Variants in TRPC7 observed in about 807,000 individuals in gnomAD.
The protein encoded by TRPC7 is short transient receptor potential channel 7.
In TRPC7, 42 loss-of-function variants were observed where a neutral mutation model predicts 90.1. The ratio of observed to expected loss-of-function variants is 0.47; its 90% confidence interval spans 0.36 to 0.60. TRPC7 has a LOEUF of 0.60. Among genes scored for constraint, TRPC7 ranks in the 20% least tolerant of loss-of-function variants. The pLI, the probability that TRPC7 is intolerant of heterozygous loss-of-function variation, is 0.00. For synonymous variants in TRPC7, 451 were observed against 436.3 expected (o/e 1.03, Z -0.42); for missense variants, 955 against 1,112.3 (o/e 0.86, Z 2.01).
chr5:136,268,740 G>A (rs991090582), intron 4 of TRPC7, among the ~76,000 whole-genome samples: 1 of 152,212 alleles, frequency 6.6e-6, no homozygotes, highest in Non-Finnish European at 1.5e-5. Flanking sequence ...GCCTTTTGGT[G>A]ATTTGATGGA....
intron 8 of TRPC7, among the ~76,000 whole-genome samples, chr5:136,229,257 C>A (rs1755739742): frequency 6.6e-6 from 1 of 152,234 alleles, no homozygotes; most frequent in African/African-American, 2.4e-5. Context: ...GGCTTCATGG[C>A]CAGGCTCACC....
At chr5:136,241,420 G>A (rs1050089414) in intron 7 of TRPC7, among the ~76,000 whole-genome samples, 1 of 152,234 alleles carries the variant, frequency 6.6e-6, no homozygotes, top group Non-Finnish European at 1.5e-5. Flanking sequence ...GGGAGACAGG[G>A]GCCCACCATG....
chr5:136,304,724 C>T (rs573056861), intron 3 of TRPC7, among the ~76,000 whole-genome samples: 66 of 152,172 alleles, frequency 4.3e-4, no homozygotes, highest in Non-Finnish European at 7.1e-4. Context: ...AAATTTCATC[C>T]TCATCTGTTA....
chr5:136,293,383 T>A (rs1345661894), intron 3 of TRPC7, among the ~76,000 whole-genome samples: 3 of 152,120 alleles, frequency 2.0e-5, no homozygotes, highest in African/African-American at 4.8e-5. Context: ...TTGTATATCT[T>A]GAAAACCCCA....
intron 2 of TRPC7, among the ~76,000 whole-genome samples, chr5:136,317,676 T>G (rs1759063686): frequency 6.6e-6 from 1 of 152,202 alleles, no homozygotes; most frequent in African/African-American, 2.4e-5. Context: ...ACAAGGAATC[T>G]CTGGATGTTA....
chr5:136,268,360 T>C (rs1415760635), intron 4 of TRPC7, among the ~76,000 whole-genome samples: 4 of 152,172 alleles, frequency 2.6e-5, no homozygotes, highest in African/African-American at 9.7e-5. Context: ...GGGCAAGGGA[T>C]ACCAGGTCTT....
chr5:136,227,466 C>G (rs1755664897), intron 8 of TRPC7, among the ~76,000 whole-genome samples: 1 of 152,156 alleles, frequency 6.6e-6, no homozygotes, highest in African/African-American at 2.4e-5. Flanking sequence ...GGCTGTGAAC[C>G]CAGCAAGGGC....
At chr5:136,317,109 C>A (rs1438458393) in intron 2 of TRPC7, among the ~76,000 whole-genome samples, 1 of 152,116 alleles carries the variant, frequency 6.6e-6, no homozygotes, top group Non-Finnish European at 1.5e-5. Flanking sequence ...GTGAGAGTAG[C>A]TGTCCTTCAT....
At chr5:136,237,105 A>C (rs1409842378) in intron 7 of TRPC7, among the ~76,000 whole-genome samples, 1 of 152,188 alleles carries the variant, frequency 6.6e-6, no homozygotes, top group Admixed American at 6.5e-5. Context: ...CAGAGACTGA[A>C]AGCAGTTGGA....
intron 3 of TRPC7, among the ~76,000 whole-genome samples, chr5:136,300,959 C>T (rs1046425793): frequency 3.3e-5 from 5 of 152,190 alleles, no homozygotes; most frequent in Non-Finnish European, 5.9e-5. Flanking sequence ...ATTAAAGAGC[C>T]TTTAAAAAAC....
chr5:136,226,136 A>G lies in TRPC7; in HGVS notation c.2160T>C (p.Tyr720=), dbSNP rs1297443505. The G allele has an allele frequency of 1.3e-6, 2 of 1,586,436 alleles. No individual in the cohort carries two copies. Among genetic ancestry groups the G allele is most frequent in the South Asian group, 1.1e-5 (1 of 87,018 alleles). The part of the protein sequence containing the change: ...NLVPSPKSFY[Y]LIMRIKMCLI... ...GGCACATCTTGATTCTCATTATGAG[A>G]TAATAAAATGATTTAGGACTTGGCA... is the stretch of plus-strand genomic sequence containing the variant. The change falls in exon 9 of 12, where the codon TAT becomes TAC. Residue 720 remains tyrosine, a synonymous_variant. Coordinates refer to ENST00000513104, the MANE Select transcript of TRPC7 (RefSeq NM_020389.3).
At chr5:136,226,501 C>T (rs74632905) in intron 8 of TRPC7, 19,827 of 513,514 alleles carry the variant, frequency 0.039, 459 homozygotes, top group Middle Eastern at 0.051. Context: ...TCATATTAAC[C>T]GCCCCTACCC....
At chr5:136,229,852 T>G (rs1165779725) in intron 8 of TRPC7, among the ~76,000 whole-genome samples, 4 of 152,010 alleles carry the variant, frequency 2.6e-5, no homozygotes, top group Admixed American at 2.6e-4. Context: ...CCATTTCAGA[T>G]CTTCTCTCCT....
At chr5:136,256,570 T>G (rs1465885402) in intron 5 of TRPC7, among the ~76,000 whole-genome samples, 1 of 143,718 alleles carries the variant, frequency 7.0e-6, no homozygotes, top group Non-Finnish European at 1.5e-5. Context: ...CACCCCTGAC[T>G]CTTCTGGCTG....
intron 2 of TRPC7, among the ~76,000 whole-genome samples, chr5:136,324,729 T>C (rs575172614): frequency 1.9e-4 from 29 of 152,318 alleles, no homozygotes; most frequent in African/African-American, 7.0e-4. Context: ...GTTCAACTCC[T>C]CAATTTTTTC....
At chr5:136,238,423 C>G (rs10463951) in intron 7 of TRPC7, among the ~76,000 whole-genome samples, 3 of 151,882 alleles carry the variant, frequency 2.0e-5, no homozygotes, top group East Asian at 3.9e-4. Context: ...GATGATGGAA[C>G]GCTGGGAAAC....
rs1198731993 is a variant in TRPC7, at chr5:136,313,373, GTCTGTCTATCTA to G, written c.963+2212_963+2223del. Among the ~76,000 whole-genome samples, 405 of 92,988 alleles carry G rather than the reference GTCTGTCTATCTA, an allele frequency of 4.4e-3. 3 individuals carry two copies. The highest frequency in any genetic ancestry group is 0.011 in the African/African-American group (256 of 24,262). 61.0% of individuals were successfully genotyped at this position (92,988 alleles called of 152,430 possible). A position where few individuals can be genotyped will look rare whatever the true frequency, so the allele number is the denominator to read the frequency against. Reference sequence around the variant, plus strand: ...ATTCAAGCCTGAAGCCTCAGGAGATGTCTGTCTATCTATCTATCTATCTATCTATCTATCTAT... The same window carrying G: ...ATTCAAGCCTGAAGCCTCAGGAGATGTCTATCTATCTATCTATCTATCTAT... On this transcript the variant is annotated intron_variant, in intron 3 of 11. Transcript: ENST00000513104.
chr5:136,284,827 A>T (rs1056578884), intron 3 of TRPC7, among the ~76,000 whole-genome samples: 2 of 152,208 alleles, frequency 1.3e-5, no homozygotes, highest in Non-Finnish European at 2.9e-5. Flanking sequence ...GCTGAGGAGA[A>T]GGAGCTGCAA....
At chr5:136,315,947 A>C (rs1386519486) in intron 2 of TRPC7, 168 bp from the exon 3 acceptor site, 2 of 653,384 alleles carry the variant, frequency 3.1e-6, no homozygotes, top group Non-Finnish European at 5.2e-6. Flanking sequence ...AGGCGGGGCA[A>C]TTTCTCTTGA....
Sources: gnomAD v4.1 joint callset for allele counts (sites outside exome capture counted in the v4.1 genomes callset) on GRCh38, gnomAD v4.1.1 for gene constraint, MANE v1.5 for transcripts, NCBI Gene and HGNC (gene_info 2026-07-23, HGNC 2026-07-21) for gene names.